PTPRA: variants seen among roughly 807,000 people sequenced by gnomAD.
The protein encoded by PTPRA is receptor-type tyrosine-protein phosphatase alpha.
A neutral mutation model predicts 104.8 loss-of-function variants in PTPRA; 25 were observed. That is an observed-to-expected ratio of 0.24 (90% CI 0.17 to 0.33). The LOEUF (loss-of-function observed/expected upper bound fraction) is 0.33, where lower values mean the gene tolerates loss of function less well. Among genes scored for constraint, PTPRA ranks in the 10% least tolerant of loss-of-function variants. The pLI, the probability that PTPRA is intolerant of heterozygous loss-of-function variation, is 1.00. For synonymous variants in PTPRA, 323 were observed against 368.9 expected, an observed-to-expected ratio of 0.88 and a Z score of 1.43; for missense variants, 765 against 1,015.3, an observed-to-expected ratio of 0.75 and a Z score of 3.35.
chr20:2,907,133 T>G (rs1163541950), intron 1 of PTPRA, among the ~76,000 whole-genome samples: 1 of 152,204 alleles, frequency 6.6e-6, no homozygotes, highest in Non-Finnish European at 1.5e-5. Context: ...GTTAGTTGTC[T>G]AAATAACAAC....
At position 2,965,175 on chromosome 20, in the gene PTPRA, A is replaced by G; in HGVS notation, c.388A>G (p.Thr130Ala). The G allele has an allele frequency of 6.2e-7, 1 of 1,613,728 alleles. No individual in the cohort carries two copies. The highest frequency in any genetic ancestry group is 8.5e-7 in the Non-Finnish European group (1 of 1,179,710). Residue 130 changes from threonine (T) to alanine (A), a missense_variant, in exon 5 of 24, where the codon ACC becomes GCC. Transcript: ENST00000399903. ...GGAGGGGAATTCCAGCACCGCAGCA[A>G]CCACTCCAGAAACTTTCCCTCCTTC... ...PWEGNSSTAA[T>A]TPETFPPSGN...
intron 6 of PTPRA, among the ~76,000 whole-genome samples, chr20:2,975,666 AT>A (rs1311756291): frequency 6.6e-6 from 1 of 151,914 alleles, no homozygotes; most frequent in African/African-American, 2.4e-5. Context: ...GATTTTATGG[AT>A]TTTCAGCCCT....
chr20:2,943,213 A>ACCAC lies in PTPRA; in HGVS notation c.-49-4767_-49-4766insACCC, dbSNP rs746162600. On this transcript the variant is annotated intron_variant, in intron 2 of 23. Transcript: ENST00000399903. ...TGGGAGTCTTGGAACATATCCCCCC[A>ACCAC]CCCCCCCCCCAGATAAGGGGGTAGT... is the stretch of plus-strand genomic sequence containing the variant. Among the ~76,000 whole-genome samples, 358 of 116,536 alleles carry ACCAC rather than the reference A, an allele frequency of 3.1e-3. 8 individuals carry two copies. Among genetic ancestry groups the ACCAC allele is most frequent in the African/African-American group, 0.011 (334 of 29,814 alleles). 76.5% of individuals were successfully genotyped at this position (116,536 alleles called of 152,430 possible).
the PTPRA span, chr20:2,864,707 T>G: frequency 4.4e-6 from 7 of 1,577,452 alleles, no homozygotes; most frequent in Admixed American, 1.2e-4. This position sits in a 1 kb window ranked among gnomAD's most constrained non-coding sequence, Gnocchi z 5.2. Context: ...GCTGGGGCTG[T>G]TGGTCCGGTT....
intron 3 of PTPRA, chr20:2,955,742 C>G: frequency 3.4e-6 from 3 of 883,172 alleles, no homozygotes; most frequent in Non-Finnish European, 4.1e-6. Flanking sequence ...CTACTCCTGC[C>G]TACTGTGTTT....
intron 17 of PTPRA, among the ~76,000 whole-genome samples, chr20:3,026,009 G>A (rs1270853382): frequency 1.3e-5 from 2 of 150,356 alleles, no homozygotes; most frequent in Non-Finnish European, 3.0e-5. Flanking sequence ...GCAATGGCGC[G>A]ATCTCAGCTC....
At chr20:2,963,573 G>A (rs985567797) in intron 3 of PTPRA, among the ~76,000 whole-genome samples, 6 of 151,852 alleles carry the variant, frequency 4.0e-5, no homozygotes, top group African/African-American at 7.3e-5. Context: ...CAGCCCGGGC[G>A]ACAGTGCAAG....
chr20:2,916,924 AT>A (rs2059921639), intron 1 of PTPRA, among the ~76,000 whole-genome samples: 2 of 150,100 alleles, frequency 1.3e-5, no homozygotes. Context: ...GTCCCTTGCA[AT>A]TCCATATAAA....
intron 9 of PTPRA, among the ~76,000 whole-genome samples, chr20:2,992,190 T>A (rs1430025047): frequency 1.3e-5 from 2 of 152,208 alleles, no homozygotes; most frequent in South Asian, 4.1e-4. Flanking sequence ...CTGCTGGGCA[T>A]GTCCAAATCT....
intron 1 of PTPRA, among the ~76,000 whole-genome samples, chr20:2,903,177 A>G (rs1309617916): frequency 2.0e-5 from 3 of 152,222 alleles, no homozygotes; most frequent in South Asian, 2.1e-4. Flanking sequence ...AGAATGCTCA[A>G]TTGGTAAGTA....
At chr20:3,032,569 C>G (rs555584308) in intron 20 of PTPRA, among the ~76,000 whole-genome samples, 7 of 150,988 alleles carry the variant, frequency 4.6e-5, no homozygotes, top group Middle Eastern at 3.4e-3. Flanking sequence ...AGATCGAGAC[C>G]AGCCTGGCCA....
intron 2 of PTPRA, among the ~76,000 whole-genome samples, chr20:2,930,441 G>A (rs1469627084): frequency 2.0e-5 from 3 of 152,124 alleles, no homozygotes; most frequent in Non-Finnish European, 4.4e-5. Flanking sequence ...GTAGTTTGGG[G>A]ACCCATATTA....
chr20:2,997,328 A>G (rs1406260284), intron 9 of PTPRA, among the ~76,000 whole-genome samples: 1 of 152,180 alleles, frequency 6.6e-6, no homozygotes, highest in Non-Finnish European at 1.5e-5. Context: ...TAAAACAAGC[A>G]TATTCTTTTT....
intron 2 of PTPRA, among the ~76,000 whole-genome samples, chr20:2,923,939 A>G (rs925973809): frequency 6.6e-6 from 1 of 152,332 alleles, no homozygotes; most frequent in East Asian, 1.9e-4. Flanking sequence ...CTCTTTGGCA[A>G]TATCTGCAAA....
At chr20:2,866,470 A>C in the PTPRA span, 1 of 1,614,180 alleles carries the variant, frequency 6.2e-7, no homozygotes. Flanking sequence ...CGAACACCGG[A>C]ATGAGGCTGA....
At chr20:2,910,194 G>GAT (rs911735931) in intron 1 of PTPRA, among the ~76,000 whole-genome samples, 3 of 86,824 alleles carry the variant, frequency 3.5e-5, no homozygotes, top group South Asian at 7.4e-4. Flanking sequence ...TATGATATAT[G>GAT]ATATATATAC....
intron 6 of PTPRA, among the ~76,000 whole-genome samples, chr20:2,977,563 T>G (rs1216619533): frequency 6.6e-6 from 1 of 151,204 alleles, no homozygotes; most frequent in Non-Finnish European, 1.5e-5. Flanking sequence ...GAGGATCACC[T>G]GAGCCCAGGA....
At chr20:3,003,988 G>A (rs2063746854) in intron 9 of PTPRA, among the ~76,000 whole-genome samples, 1 of 152,080 alleles carries the variant, frequency 6.6e-6, no homozygotes, top group Non-Finnish European at 1.5e-5. Flanking sequence ...TCCTTATGTG[G>A]CAGATGTTGT....
At chr20:2,867,380 A>T in the PTPRA span, among the ~76,000 whole-genome samples, 1 of 152,192 alleles carries the variant, frequency 6.6e-6, no homozygotes, top group Non-Finnish European at 1.5e-5. Flanking sequence ...GAGAAGGAGG[A>T]TGGAAGATTT....
Sources: gnomAD v4.1 joint callset for allele counts (sites outside exome capture counted in the v4.1 genomes callset) on GRCh38, gnomAD v4.1.1 for gene constraint, Gnocchi (gnomAD v3.1) non-coding constraint, MANE v1.5 for transcripts, NCBI Gene and HGNC (gene_info 2026-07-23, HGNC 2026-07-21) for gene names.